Variants in ZNF438 observed in about 807,000 individuals in gnomAD.
ZNF438 encodes the protein zinc finger protein 438.
In ZNF438, 25 loss-of-function variants were observed where a neutral mutation model predicts 38.0. The ratio of observed to expected loss-of-function variants is 0.66; its 90% CI spans 0.48 to 0.92. The LOEUF is 0.92. Ranked by LOEUF, ZNF438 falls within the 40% of genes least tolerant of loss-of-function variation. ZNF438 has a pLI of 0.00. For missense variants in ZNF438, 1,007 were observed against 999.6 expected, an observed-to-expected ratio of 1.01 and a Z score of -0.10; for synonymous variants, 372 against 364.1, an observed-to-expected ratio of 1.02 and a Z score of -0.25.
chr10:30,945,481 C>G (rs1451007371), intron 1 of ZNF438, among the ~76,000 whole-genome samples: 1 of 151,412 alleles, frequency 6.6e-6, no homozygotes, highest in Non-Finnish European at 1.5e-5. Flanking sequence ...ATACATGTGC[C>G]ACGCTGGTGC....
intron 1 of ZNF438, among the ~76,000 whole-genome samples, chr10:31,009,396 G>A (rs1690624): frequency 0.66 from 101,069 of 152,102 alleles, 33,969 homozygotes; most frequent in Middle Eastern, 0.71. Flanking sequence ...GTGACAACAC[G>A]TCCAGGAAGG....
intron 1 of ZNF438, among the ~76,000 whole-genome samples, chr10:31,018,481 T>C (rs1319772120): frequency 6.6e-6 from 1 of 152,214 alleles, no homozygotes; most frequent in Non-Finnish European, 1.5e-5. Context: ...ACAGTCTCAC[T>C]GAACATTTTG....
chr10:30,937,130 G>A (rs1265221695), intron 2 of ZNF438, among the ~76,000 whole-genome samples: 1 of 152,064 alleles, frequency 6.6e-6, no homozygotes, highest in Non-Finnish European at 1.5e-5. Flanking sequence ...CCCTTTGGAT[G>A]AGCCTAGGGC....
intron 5 of ZNF438, among the ~76,000 whole-genome samples, chr10:30,847,300 A>T (rs2032416278): frequency 6.6e-6 from 1 of 152,044 alleles, no homozygotes; most frequent in Non-Finnish European, 1.5e-5. Flanking sequence ...AGGCACATAA[A>T]AGCCCCGGAC....
intron 4 of ZNF438, among the ~76,000 whole-genome samples, chr10:30,874,509 A>AAATATTAATATTAATATT (rs36219583): frequency 1.3e-4 from 19 of 151,908 alleles, no homozygotes; most frequent in African/African-American, 4.4e-4. Flanking sequence ...TTTTGTTAAA[A>AAATATTAATATTAATATT]AATATTAATA....
intron 1 of ZNF438, among the ~76,000 whole-genome samples, chr10:31,019,524 G>A (rs1251362837): frequency 6.6e-6 from 1 of 152,206 alleles, no homozygotes; most frequent in African/African-American, 2.4e-5. Context: ...CAAAAGACTG[G>A]AAGAATATGT....
intron 2 of ZNF438, among the ~76,000 whole-genome samples, chr10:30,938,905 A>G (rs1303189151): frequency 2.6e-5 from 4 of 151,794 alleles, no homozygotes; most frequent in Non-Finnish European, 4.4e-5. Flanking sequence ...AGTGATTCTC[A>G]TGCCTCAGCC....
rs1228023049 is a variant in ZNF438 at position 30,849,654 on chromosome 10, G to A, written c.751C>T (p.Pro251Ser). The change falls in exon 5 of 6, where the codon CCT (proline) becomes TCT (serine). Residue 251 changes from proline (P) to serine (S), a missense_variant. Transcript: ENST00000413025. Reference sequence around the variant, plus strand: ...AATTTTTCACTGGCAACAGCAGAAGGTTTACTAGATGTTATCTTGCTTACA... The same window carrying A: ...AATTTTTCACTGGCAACAGCAGAAGATTTACTAGATGTTATCTTGCTTACA... 5 of 1,614,164 alleles carry A rather than the reference G, an allele frequency of 3.1e-6. No homozygotes were observed. The highest frequency in any genetic ancestry group is 4.2e-6 in the Non-Finnish European group (5 of 1,180,030).
chr10:30,918,372 T>A (rs2043893700), intron 2 of ZNF438, among the ~76,000 whole-genome samples: 1 of 152,182 alleles, frequency 6.6e-6, no homozygotes, highest in Non-Finnish European at 1.5e-5. Context: ...GGAAATGTCA[T>A]TTAATTGAGT....
intron 4 of ZNF438, among the ~76,000 whole-genome samples, chr10:30,869,236 T>G (rs945291669): frequency 6.6e-6 from 1 of 152,044 alleles, no homozygotes; most frequent in Non-Finnish European, 1.5e-5. Flanking sequence ...TAGCCAGGTG[T>G]GGTGGTGCGT....
intron 2 of ZNF438, among the ~76,000 whole-genome samples, chr10:30,938,313 T>C (rs914857363): frequency 6.6e-6 from 1 of 152,038 alleles, no homozygotes; most frequent in Non-Finnish European, 1.5e-5. Flanking sequence ...GTTTCTCTCT[T>C]GTTGCCCAGG....
chr10:30,864,525 C>T (rs531336237), intron 4 of ZNF438, among the ~76,000 whole-genome samples: 3 of 152,276 alleles, frequency 2.0e-5, no homozygotes, highest in South Asian at 2.1e-4. Context: ...TCTGTCTCCT[C>T]GCTAAAATGT....
At chr10:30,943,143 C>A in intron 1 of ZNF438, among the ~76,000 whole-genome samples, 1 of 151,348 alleles carries the variant, frequency 6.6e-6, no homozygotes, top group East Asian at 1.9e-4. Context: ...ATGCTAGTAA[C>A]AGGAAGAAAT....
At chr10:30,959,950 CT>C (rs1335203548) in intron 1 of ZNF438, among the ~76,000 whole-genome samples, 2 of 147,200 alleles carry the variant, frequency 1.4e-5, no homozygotes, top group Non-Finnish European at 1.5e-5. Context: ...TATATACTGT[CT>C]TTTTTATTAC....
At chr10:30,858,292 G>A (rs1164244248) in intron 4 of ZNF438, among the ~76,000 whole-genome samples, 1 of 152,134 alleles carries the variant, frequency 6.6e-6, no homozygotes, top group African/African-American at 2.4e-5. Context: ...CCTGCCACTT[G>A]GCTTTCAAAT....
At chr10:30,950,106 G>A (rs1253786331) in intron 1 of ZNF438, among the ~76,000 whole-genome samples, 39 of 148,628 alleles carry the variant, frequency 2.6e-4, no homozygotes, top group East Asian at 4.0e-4. Flanking sequence ...ACTCAAAACC[G>A]CTCAACTACA....
At chr10:30,930,542 G>A (rs1428925404) in intron 2 of ZNF438, among the ~76,000 whole-genome samples, 1 of 152,026 alleles carries the variant, frequency 6.6e-6, no homozygotes, top group African/African-American at 2.4e-5. Context: ...TGGACGCCAT[G>A]GCCTGAGGAG....
intron 2 of ZNF438, among the ~76,000 whole-genome samples, chr10:30,932,428 G>T (rs565577123): frequency 1.2e-3 from 182 of 152,212 alleles, no homozygotes; most frequent in African/African-American, 4.2e-3. Flanking sequence ...TATAGTATGT[G>T]CCAGGCAATG....
intron 4 of ZNF438, among the ~76,000 whole-genome samples, chr10:30,851,016 G>A (rs751097344): frequency 9.9e-5 from 15 of 152,102 alleles, no homozygotes; most frequent in Admixed American, 3.3e-4. Flanking sequence ...TGTGACTTAC[G>A]AATTTCTTCT....
Sources: gnomAD v4.1 joint callset for allele counts (sites outside exome capture counted in the v4.1 genomes callset) on GRCh38, gnomAD v4.1.1 for gene constraint, MANE v1.5 for transcripts, NCBI Gene and HGNC (gene_info 2026-07-23, HGNC 2026-07-21) for gene names.